RPLP2: variants seen among roughly 807,000 people sequenced by gnomAD.
The protein encoded by RPLP2 is large ribosomal subunit protein P2.
Under a neutral mutation model 11.5 loss-of-function variants are expected in RPLP2, and 1 was observed. That is an observed-to-expected ratio of 0.09 (90% CI 0.03 to 0.41). RPLP2 has a LOEUF of 0.41. RPLP2 is among the 10% of genes least tolerant of loss of function. The probability of loss-of-function intolerance (pLI) is 0.98; values close to 1 mark genes in which losing one functional copy is unlikely to be tolerated. For synonymous variants in RPLP2, 82 were observed against 55.9 expected (o/e 1.47, Z -2.08); for missense variants, 177 against 145.6 (o/e 1.22, Z -1.11).
Position 810,222 on chromosome 11 carries a change from C to A in RPLP2, c.-1-12C>A, listed in dbSNP as rs1469659005. 8.5e-6 allele frequency: 13 copies of A among 1,534,988 alleles called. No individual in the cohort carries two copies. Among genetic ancestry groups the A allele is most frequent in the Non-Finnish European group, 1.1e-5 (13 of 1,140,696 alleles). Reference sequence around the variant, plus strand: ...GGTAACTCCGCCGTCGCGTCCTCTCCGCCCGCCTCAGGATGCGCTACGTCG... The same window carrying A: ...GGTAACTCCGCCGTCGCGTCCTCTCAGCCCGCCTCAGGATGCGCTACGTCG... On this transcript the variant is annotated splice_polypyrimidine_tract_variant and intron_variant, in intron 1 of 4. Transcript: ENST00000321153.
In RPLP2 at chr11:810,259, C is replaced by T. The variant is rs752237180; in HGVS notation, c.25C>T (p.Leu9=). Residue 9 remains leucine (L), a synonymous_variant, in exon 2 of 5, where the codon CTG becomes TTG. Coordinates refer to ENST00000321153, the MANE Select transcript of RPLP2 (RefSeq NM_001004.4). ...GATGCGCTACGTCGCCTCCTACCTG[C>T]TGGCTGCCCTAGGGGGCAACTCCTC... MRYVASYL[L]AALGGNSSPS... The T allele has an allele frequency of 3.8e-6, 6 of 1,598,460 alleles. No homozygotes were observed. Among genetic ancestry groups the T allele is most frequent in the South Asian group, 2.2e-5 (2 of 89,210 alleles).
Position 810,326 on chromosome 11 carries a change from G to C in RPLP2, c.92G>C (p.Gly31Ala). 3 of 1,608,530 alleles carry C rather than the reference G, an allele frequency of 1.9e-6. No homozygotes were observed. The highest frequency in any genetic ancestry group is 2.5e-6 in the Non-Finnish European group (3 of 1,178,086). The change falls in exon 2 of 5, where the codon GGT becomes GCT. Residue 31 changes from glycine to alanine, a missense_variant. Coordinates refer to ENST00000321153, the MANE Select transcript of RPLP2 (RefSeq NM_001004.4). ...ATCAAGAAGATCTTGGACAGCGTGG[G>C]TATCGAGGCGGACGACGACCGGCTC... ...KDIKKILDSV[G>A]IEADDDRLNK...
intron 2 of RPLP2, among the ~76,000 whole-genome samples, chr11:810,731 T>G (rs1243838856): frequency 6.7e-6 from 1 of 149,360 alleles, no homozygotes; most frequent in Admixed American, 6.7e-5. Context: ...AGATGGAGGT[T>G]GCACGGATCG....
At chr11:810,839 A>G (rs1281705707) in intron 2 of RPLP2, among the ~76,000 whole-genome samples, 3 of 151,448 alleles carry the variant, frequency 2.0e-5, no homozygotes, top group East Asian at 3.9e-4. Flanking sequence ...ATCGTGATTA[A>G]CAAGCTTTGG....
chr11:812,197 A>T (rs1400735287), intron 3 of RPLP2: 4 of 412,498 alleles, frequency 9.7e-6, no homozygotes, highest in Non-Finnish European at 1.8e-5. Context: ...CGTTGTGGCC[A>T]GAGATGTGGA....
chr11:810,496 A>G, intron 2 of RPLP2, 139 bp downstream of exon 2: 1 of 844,618 alleles, frequency 1.2e-6, no homozygotes, highest in East Asian at 3.1e-5. Context: ...TTGGATAGAG[A>G]AGTAAGCCGG....
At position 810,352 on chromosome 11, in the gene RPLP2, A is replaced by G. The variant is rs775375372; in HGVS notation, c.118A>G (p.Asn40Asp). ...TATCGAGGCGGACGACGACCGGCTC[A>G]ACAAGGTAGCGGCCGCCCTTGCCCC... ...VGIEADDDRLNKVISELNGKN... is the reference protein window; with the variant it reads ...VGIEADDDRLDKVISELNGKN... Residue 40 changes from asparagine (N) to aspartate (D), a missense_variant, in exon 2 of 5, where the codon AAC becomes GAC. By Grantham distance (23) the Asn-to-Asp change is conservative. Coordinates refer to ENST00000321153, the MANE Select transcript of RPLP2 (RefSeq NM_001004.4). 3.1e-6 allele frequency: 5 copies of G among 1,606,646 alleles called. No homozygotes were observed. Among genetic ancestry groups the G allele is most frequent in the East Asian group, 4.5e-5 (2 of 44,064 alleles).
At chr11:810,198 G>T in intron 1 of RPLP2, 36 bp from the exon 2 acceptor site, 2 of 1,472,130 alleles carry the variant, frequency 1.4e-6, no homozygotes, top group Non-Finnish European at 1.8e-6. Flanking sequence ...GGCCGCCGGG[G>T]TAACTCCGCC....
At chr11:811,467 C>T in intron 2 of RPLP2, 130 bp from the exon 3 acceptor site, 1 of 1,015,768 alleles carries the variant, frequency 9.8e-7, no homozygotes, top group Non-Finnish European at 1.5e-6. Flanking sequence ...TCCCTTTGGG[C>T]AGTGCAGTTC....
In RPLP2 at chr11:810,053, C is replaced by A; in HGVS notation, c.-2+14C>A. ...AGACGCCGCCGCGTGAGTGTGGTGA[C>A]CGGGCCCGGGGTGCCGGCTGGGGAC... On this transcript the variant is annotated intron_variant, in intron 1 of 4. Coordinates refer to ENST00000321153, the MANE Select transcript of RPLP2 (RefSeq NM_001004.4). The A allele has an allele frequency of 1.4e-6, 1 of 696,560 alleles. No homozygotes were observed. Among genetic ancestry groups the A allele is most frequent in the Non-Finnish European group, 2.1e-6 (1 of 478,090 alleles). The allele number at this position is 696,560 out of a possible 1,614,324, so 43.1% of individuals were successfully genotyped here.
At chr11:810,460 C>T (rs552951679) in intron 2 of RPLP2, 103 bp downstream of exon 2, 3 of 1,186,318 alleles carry the variant, frequency 2.5e-6, no homozygotes, top group South Asian at 1.5e-5. Context: ...CGGGGAGAGG[C>T]TCGTTTCAGT....
In RPLP2 at chr11:810,289, A is replaced by G. The variant is rs1448196306; in HGVS notation, c.55A>G (p.Ser19Gly). 2 of 1,608,104 alleles carry G rather than the reference A, an allele frequency of 1.2e-6. No homozygotes were observed. The highest frequency in any genetic ancestry group is 2.2e-5 in the South Asian group (2 of 90,296). The change falls in exon 2 of 5, where the codon AGC (serine) becomes GGC (glycine). Residue 19 changes from serine (S) to glycine (G), a missense_variant. Coordinates refer to ENST00000321153, the MANE Select transcript of RPLP2 (RefSeq NM_001004.4). ...LAALGGNSSP[S>G]AKDIKKILDS... ...TGCCCTAGGGGGCAACTCCTCCCCC[A>G]GCGCCAAGGACATCAAGAAGATCTT...
intron 3 of RPLP2, chr11:812,288 T>TGGGC (rs1866088382): frequency 3.6e-6 from 2 of 553,752 alleles, no homozygotes; most frequent in East Asian, 6.2e-5. Flanking sequence ...GTGGGGAAAT[T>TGGGC]GGGCAGGCAG....
chr11:812,645 C>T lies in RPLP2; in HGVS notation c.271+12C>T. On this transcript the variant is annotated intron_variant, in intron 4 of 4. Coordinates refer to ENST00000321153, the MANE Select transcript of RPLP2 (RefSeq NM_001004.4). ...TGCCCCTGCTGCAGGTAAGTGGTGG[C>T]CTGGTGAGTGGGCAAGGGGCTGGGG... 2 of 1,610,744 alleles carry T rather than the reference C, an allele frequency of 1.2e-6. No homozygotes were observed. The highest frequency in any genetic ancestry group is 1.1e-5 in the South Asian group (1 of 91,016).
chr11:810,174 ATGGGCCGGCAGGAGGCCGCCGGGG>A, intron 1 of RPLP2, 36 bp from the exon 2 acceptor site: 3 of 1,418,202 alleles, frequency 2.1e-6, no homozygotes, highest in Non-Finnish European at 2.8e-6. Flanking sequence ...CGGCCCCGGG[ATGGGCCGGCAGGAGGCCGCCGGGG>A]TAACTCCGCC....
In RPLP2 at chr11:812,677, C is replaced by T. The variant is rs139472277; in HGVS notation, c.271+44C>T. ...AGTGGGCAAGGGGCTGGGGCTCAGACGGTGTTGCTGCAGTGGGGTCTTCAT... is the reference window on the plus strand; with the variant it reads ...AGTGGGCAAGGGGCTGGGGCTCAGATGGTGTTGCTGCAGTGGGGTCTTCAT... On this transcript the variant is annotated intron_variant, in intron 4 of 4. Transcript: ENST00000321153. 2.3e-4 allele frequency: 365 copies of T among 1,612,128 alleles called. No homozygotes were observed. In the East Asian group the frequency reaches 4.3e-3, roughly 19 times the overall value.
chr11:810,324 G>T lies in RPLP2; in HGVS notation c.90G>T (p.Val30=). ...ACATCAAGAAGATCTTGGACAGCGT[G>T]GGTATCGAGGCGGACGACGACCGGC... ...AKDIKKILDS[V]GIEADDDRLN... Residue 30 remains valine (V), a synonymous_variant, in exon 2 of 5, where the codon GTG becomes GTT. Transcript: ENST00000321153. 1 of 1,608,760 alleles carries T rather than the reference G, an allele frequency of 6.2e-7. No individual in the cohort carries two copies. The highest frequency in any genetic ancestry group is 8.5e-7 in the Non-Finnish European group (1 of 1,178,174).
intron 3 of RPLP2, 101 bp from the exon 4 acceptor site, chr11:812,434 T>C (rs949018008): frequency 7.4e-6 from 11 of 1,491,734 alleles, no homozygotes; most frequent in Middle Eastern, 4.7e-4. Flanking sequence ...GGTCCAGATA[T>C]GTTGGGTGCC....
Position 812,540 on chromosome 11 carries a change from G to T in RPLP2, c.178G>T (p.Gly60Cys). 2 of 1,609,356 alleles carry T rather than the reference G, an allele frequency of 1.2e-6. No individual in the cohort carries two copies. The change falls in exon 4 of 5, where the codon GGC becomes TGC. Residue 60 changes from glycine to cysteine, a missense_variant. Physicochemically the swap from Gly to Cys is radical, Grantham distance 159. Coordinates refer to ENST00000321153, the MANE Select transcript of RPLP2 (RefSeq NM_001004.4). ...CACCTCTCTGCTTTCTGTAGGTATTGGCAAGCTTGCCAGTGTACCTGCTGG... is the reference window on the plus strand; with the variant it reads ...CACCTCTCTGCTTTCTGTAGGTATTTGCAAGCTTGCCAGTGTACCTGCTGG... Reference protein sequence around the residue: ...NIEDVIAQGIGKLASVPAGGA... With the variant: ...NIEDVIAQGICKLASVPAGGA...
Sources: gnomAD v4.1 joint callset for allele counts (sites outside exome capture counted in the v4.1 genomes callset) on GRCh38, gnomAD v4.1.1 for gene constraint, MANE v1.5 for transcripts, NCBI Gene and HGNC (gene_info 2026-07-23, HGNC 2026-07-21) for gene names.